Variants in NLGN1 observed in about 807,000 individuals in gnomAD.
The protein encoded by NLGN1 is neuroligin 1, also known as neuroligin-1.
Under a neutral mutation model 65.5 loss-of-function variants are expected in NLGN1, and 12 were observed. The ratio of observed to expected loss-of-function variants is 0.18; its 90% CI spans 0.12 to 0.30. The LOEUF (loss-of-function observed/expected upper bound fraction) is 0.30, where lower values mean the gene tolerates loss of function less well. Among genes scored for constraint, NLGN1 ranks in the 10% least tolerant of loss-of-function variants. The pLI, the probability that NLGN1 is intolerant of heterozygous loss-of-function variation, is 1.00. For synonymous variants in NLGN1, 350 were observed against 359.5 expected, an observed-to-expected ratio of 0.97 and a Z score of 0.30; for missense variants, 750 against 1,007.1, an observed-to-expected ratio of 0.74 and a Z score of 3.46.
intron 3 of NLGN1, among the ~76,000 whole-genome samples, chr3:173,739,185 C>T (rs1438171058): frequency 6.6e-6 from 1 of 151,846 alleles, no homozygotes; most frequent in Admixed American, 6.6e-5. Context: ...GAGAATGGGA[C>T]GTGTGAAGGA....
At chr3:173,804,873 A>C (rs1716297393) in intron 3 of NLGN1, among the ~76,000 whole-genome samples, 1 of 152,092 alleles carries the variant, frequency 6.6e-6, no homozygotes, top group Admixed American at 6.5e-5. Flanking sequence ...CTAAAAATGC[A>C]AAATTAGCCA....
At chr3:173,420,813 C>G (rs505266) in intron 1 of NLGN1, among the ~76,000 whole-genome samples, 2 of 152,024 alleles carry the variant, frequency 1.3e-5, no homozygotes, top group African/African-American at 4.8e-5. Flanking sequence ...GCCTATCTTT[C>G]CACACTAATT....
intron 4 of NLGN1, among the ~76,000 whole-genome samples, chr3:174,190,124 A>G (rs1732120994): frequency 1.3e-5 from 2 of 152,108 alleles, no homozygotes; most frequent in Non-Finnish European, 2.9e-5. Context: ...GAGTTATTAT[A>G]TGACTTAGCA....
chr3:173,405,937 A>T (rs1718556308), intron 1 of NLGN1, among the ~76,000 whole-genome samples: 1 of 152,132 alleles, frequency 6.6e-6, no homozygotes, highest in Non-Finnish European at 1.5e-5. Flanking sequence ...GTAATAATAT[A>T]TTACACATTT....
intron 4 of NLGN1, among the ~76,000 whole-genome samples, chr3:174,012,500 A>G (rs1725762148): frequency 1.3e-5 from 2 of 152,288 alleles, no homozygotes; most frequent in African/African-American, 2.4e-5. Flanking sequence ...AGCATCCTCT[A>G]TCATTTATTC....
chr3:173,438,904 T>C (rs1718638043), intron 2 of NLGN1, among the ~76,000 whole-genome samples: 1 of 152,222 alleles, frequency 6.6e-6, no homozygotes, highest in South Asian at 2.1e-4. Context: ...GGATTATCTC[T>C]TCTGAAGTTC....
intron 4 of NLGN1, among the ~76,000 whole-genome samples, chr3:174,252,984 A>G (rs1745045049): frequency 6.6e-6 from 1 of 152,194 alleles, no homozygotes; most frequent in Admixed American, 6.5e-5. Context: ...TTTTTCATTA[A>G]AAGATTCCTT....
exon 3 of NLGN1, chr3:173,604,969 G>A: frequency 6.2e-7 from 1 of 1,613,638 alleles, no homozygotes; most frequent in Non-Finnish European, 8.5e-7. Flanking sequence ...ATCATTGATG[G>A]CAGATTGCCA....
intron 1 of NLGN1, among the ~76,000 whole-genome samples, chr3:173,427,669 G>C (rs1716377213): frequency 1.3e-5 from 2 of 151,996 alleles, no homozygotes; most frequent in South Asian, 2.1e-4. Context: ...ATTGTGGTCA[G>C]AAAAGATACT....
intron 2 of NLGN1, among the ~76,000 whole-genome samples, chr3:173,492,026 A>T (rs1176073035): frequency 6.6e-6 from 1 of 151,806 alleles, no homozygotes; most frequent in African/African-American, 2.4e-5. Flanking sequence ...AGGAAGCAAG[A>T]TAGTGGGTAA....
chr3:174,253,128 G>A (rs193024039), intron 4 of NLGN1, among the ~76,000 whole-genome samples: 159 of 152,120 alleles, frequency 1.0e-3, no homozygotes, highest in African/African-American at 3.7e-3. Context: ...TGTAAAATTA[G>A]CAAATGTTTT....
intron 4 of NLGN1, among the ~76,000 whole-genome samples, chr3:174,162,148 T>C (rs1033781971): frequency 1.3e-5 from 2 of 151,952 alleles, no homozygotes; most frequent in African/African-American, 4.8e-5. Flanking sequence ...TCTGTACTCA[T>C]GTGTGTTAGA....
intron 3 of NLGN1, among the ~76,000 whole-genome samples, chr3:173,758,390 T>A (rs192021663): frequency 9.2e-4 from 140 of 152,190 alleles, no homozygotes; most frequent in African/African-American, 3.1e-3. Context: ...ATGTTATGTA[T>A]TTTTTAAAAA....
intron 4 of NLGN1, among the ~76,000 whole-genome samples, chr3:174,247,470 G>A (rs986125523): frequency 1.6e-4 from 24 of 152,042 alleles, no homozygotes; most frequent in African/African-American, 5.1e-4. Flanking sequence ...AAACTCTTCC[G>A]AAGAGCCTTT....
intron 3 of NLGN1, among the ~76,000 whole-genome samples, chr3:173,675,316 A>G (rs972261273): frequency 4.6e-5 from 7 of 152,106 alleles, no homozygotes; most frequent in Admixed American, 4.6e-4. Context: ...AGTTTTCAAA[A>G]TGCCAGAATC....
intron 2 of NLGN1, among the ~76,000 whole-genome samples, chr3:173,501,539 C>G (rs991567877): frequency 1.3e-5 from 2 of 151,942 alleles, no homozygotes; most frequent in Non-Finnish European, 2.9e-5. Flanking sequence ...TACAGTAGTT[C>G]TGTTTACTAC....
chr3:173,963,983 C>T, intron 4 of NLGN1, among the ~76,000 whole-genome samples: 1 of 152,050 alleles, frequency 6.6e-6, no homozygotes, highest in East Asian at 1.9e-4. Context: ...GAGACTACAA[C>T]ACATTTATCT....
intron 2 of NLGN1, among the ~76,000 whole-genome samples, chr3:173,580,381 C>T (rs972542954): frequency 1.3e-5 from 2 of 151,956 alleles, no homozygotes; most frequent in Non-Finnish European, 2.9e-5. Flanking sequence ...CAATCTTGGT[C>T]TTTTATTTCC....
At chr3:174,250,247 C>T (rs576957406) in intron 4 of NLGN1, among the ~76,000 whole-genome samples, 80 of 152,196 alleles carry the variant, frequency 5.3e-4, no homozygotes, top group Non-Finnish European at 9.4e-4. Flanking sequence ...GTGCCTAGCA[C>T]AGAGTAATGG....
Sources: gnomAD v4.1 joint callset for allele counts (sites outside exome capture counted in the v4.1 genomes callset) on GRCh38, gnomAD v4.1.1 for gene constraint, MANE v1.5 for transcripts, NCBI Gene and HGNC (gene_info 2026-07-23, HGNC 2026-07-21) for gene names.